Variants in CASTOR2 observed in about 807,000 individuals in gnomAD.
CASTOR2 encodes cytosolic arginine sensor for mTORC1 subunit 2.
A neutral mutation model predicts 31.2 loss-of-function variants in CASTOR2; 8 were observed. The observed-to-expected ratio is 0.26, with a 90% CI of 0.15 to 0.46. The LOEUF (loss-of-function observed/expected upper bound fraction) is 0.46, where lower values mean the gene tolerates loss of function less well. CASTOR2 is among the 20% of genes least tolerant of loss of function. The pLI, the probability that CASTOR2 is intolerant of heterozygous loss-of-function variation, is 0.99. For missense variants in CASTOR2, 216 were observed against 382.1 expected (o/e 0.57, Z 3.62); for synonymous variants, 162 against 158.7 (o/e 1.02, Z -0.16).
rs1043851773 is a variant in CASTOR2, at chr7:75,028,962, G to T, written c.*4263G>T. 6.6e-6 allele frequency among the ~76,000 whole-genome samples: 1 copy of T among 152,040 alleles called. No individual in the cohort carries two copies. Among genetic ancestry groups the T allele is most frequent in the Non-Finnish European group, 1.5e-5 (1 of 67,994 alleles). ...GCTGCTGGTGGGAAAGGAAGGAGCTGGGGGATCAGAGGCTTCCAGTGTGGC... is the reference window on the plus strand; with the variant it reads ...GCTGCTGGTGGGAAAGGAAGGAGCTTGGGGATCAGAGGCTTCCAGTGTGGC... On this transcript the variant is annotated 3_prime_UTR_variant, in exon 9 of 9. Transcript: ENST00000616305.
At chr7:75,009,682 G>C (rs1188870980) in intron 2 of CASTOR2, among the ~76,000 whole-genome samples, 1 of 151,810 alleles carries the variant, frequency 6.6e-6, no homozygotes, top group Non-Finnish European at 1.5e-5. Flanking sequence ...AACCCCATGT[G>C]TGTACAGCCA....
intron 1 of CASTOR2, among the ~76,000 whole-genome samples, chr7:75,007,255 C>T (rs1177714364): frequency 2.6e-5 from 4 of 152,076 alleles, no homozygotes; most frequent in Non-Finnish European, 2.9e-5. Flanking sequence ...AAGCTCAGCC[C>T]AAGGGCCACC....
Position 74,972,718 on chromosome 7 carries a change from C to T in CASTOR2, c.113+7620C>T, listed in dbSNP as rs587648323. Among the ~76,000 whole-genome samples, 158 of 150,500 alleles carry T rather than the reference C, an allele frequency of 1.0e-3. 5 individuals are homozygous for T. The East Asian group carries it at 0.026, about 24-fold the overall frequency. ...TTTTTGAGACAGAGTCTTGCTCTGT[C>T]GCCCAGCCTGGAGTGCAATGGCGCA... On this transcript the variant is annotated intron_variant, in intron 1 of 8. Transcript: ENST00000616305.
chr7:75,006,731 C>T (rs1386768536), intron 1 of CASTOR2, among the ~76,000 whole-genome samples: 2 of 152,074 alleles, frequency 1.3e-5, no homozygotes, highest in African/African-American at 2.4e-5. Context: ...ATAAGTCTCA[C>T]GAGATCTGAT....
rs1805285428 is a variant in CASTOR2, at chr7:75,030,947, CCCCTCA to C, written c.*6252_*6257del. Among the ~76,000 whole-genome samples, 1 of 152,182 alleles carries C rather than the reference CCCCTCA, an allele frequency of 6.6e-6. No homozygotes were observed. Among genetic ancestry groups the C allele is most frequent in the African/African-American group, 2.4e-5 (1 of 41,446 alleles). On this transcript the variant is annotated 3_prime_UTR_variant, in exon 9 of 9. Transcript: ENST00000616305. ...GGTCCAGAAGAATTGGAGACCCCTG[CCCCTCA>C]CCCAAACTTTGGAGGTGGCAGGGTG...
intron 1 of CASTOR2, among the ~76,000 whole-genome samples, chr7:74,995,721 T>C (rs1584467178): frequency 6.7e-6 from 1 of 149,906 alleles, no homozygotes; most frequent in African/African-American, 2.5e-5. Context: ...GGCAGGAGAA[T>C]GGCATGAACC....
intron 5 of CASTOR2, 73 bp from the exon 6 acceptor site, chr7:75,019,966 G>A: frequency 6.9e-7 from 1 of 1,442,004 alleles, no homozygotes; most frequent in Non-Finnish European, 9.4e-7. Flanking sequence ...GCAGGGCCCA[G>A]CTTCCCTGGG....
In CASTOR2 at chr7:75,024,745, A is replaced by G. The variant is rs1162764667; in HGVS notation, c.*46A>G. On this transcript the variant is annotated 3_prime_UTR_variant, in exon 9 of 9. Transcript: ENST00000616305. The stretch of plus-strand genomic sequence containing the variant: ...CCTGCCGCCGCCCGGGCCCAGCCCT[A>G]ACCCTGAAGATTGATCTTGCAGTAT... The G allele has an allele frequency of 6.4e-6, 10 of 1,550,646 alleles. No individual in the cohort carries two copies. Among genetic ancestry groups the G allele is most frequent in the African/African-American group, 1.4e-5 (1 of 73,020 alleles).
chr7:75,023,534 C>T (rs1215047610), intron 7 of CASTOR2, among the ~76,000 whole-genome samples: 4 of 145,028 alleles, frequency 2.8e-5, no homozygotes, highest in Non-Finnish European at 4.5e-5. Context: ...AGTGCAATGG[C>T]GCAGTCTTCG....
intron 1 of CASTOR2, among the ~76,000 whole-genome samples, chr7:74,997,792 T>G (rs1554438054): frequency 6.6e-6 from 1 of 151,970 alleles, no homozygotes; most frequent in African/African-American, 2.4e-5. Context: ...TACCCTGCCA[T>G]ACACAATGTC....
intron 2 of CASTOR2, among the ~76,000 whole-genome samples, chr7:75,014,419 CAAA>C (rs1193842037): frequency 3.5e-5 from 2 of 57,558 alleles, no homozygotes; most frequent in African/African-American, 5.5e-5. Flanking sequence ...ACTAAAAATA[CAAA>C]AAAAAAAAAA....
At chr7:75,021,782 C>T in intron 6 of CASTOR2, 92 bp from the exon 7 acceptor site, 3 of 1,490,198 alleles carry the variant, frequency 2.0e-6, no homozygotes, top group Non-Finnish European at 2.7e-6. Flanking sequence ...CCTGGCCAGC[C>T]CCATGCCTCG....
intron 1 of CASTOR2, among the ~76,000 whole-genome samples, chr7:74,980,684 A>T (rs1441834505): frequency 7.2e-6 from 1 of 139,384 alleles, no homozygotes; most frequent in East Asian, 1.9e-4. Context: ...CTGGAAGAGC[A>T]CATCTGACAA....
chr7:74,983,623 C>G (rs1364496206), intron 1 of CASTOR2, among the ~76,000 whole-genome samples: 1 of 151,674 alleles, frequency 6.6e-6, no homozygotes, highest in Non-Finnish European at 1.5e-5. Context: ...CCCTGACCCC[C>G]TCTGCAAGCT....
intron 2 of CASTOR2, among the ~76,000 whole-genome samples, chr7:75,015,619 G>T (rs1339782022): frequency 1.3e-5 from 2 of 152,000 alleles, no homozygotes; most frequent in East Asian, 3.9e-4. Context: ...TTAGGGACTT[G>T]GTACTTTTCA....
chr7:75,018,220 G>A lies in CASTOR2; in HGVS notation c.511+98G>A, dbSNP rs1294760555. On this transcript the variant is annotated intron_variant, in intron 4 of 8. Coordinates refer to ENST00000616305, the MANE Select transcript of CASTOR2 (RefSeq NM_001145064.3). ...CTCTCAGCACGGGCTTCTGCCCACT[G>A]AGCATGAATGGAGTGCCAGGCAGAA... 1.9e-6 allele frequency: 3 copies of A among 1,545,990 alleles called. No individual in the cohort carries two copies. In the African/African-American group the frequency reaches 4.1e-5, roughly 21 times the overall value.
intron 1 of CASTOR2, among the ~76,000 whole-genome samples, chr7:75,006,926 G>C (rs1274366091): frequency 7.2e-6 from 1 of 139,288 alleles, no homozygotes; most frequent in African/African-American, 2.7e-5. Flanking sequence ...AAATTACCCA[G>C]TCTCGGGTAT....
At chr7:74,990,078 G>C (rs1385552035) in intron 1 of CASTOR2, among the ~76,000 whole-genome samples, 1 of 152,064 alleles carries the variant, frequency 6.6e-6, no homozygotes. Flanking sequence ...CCCAAGCTCA[G>C]ATTTTATCTC....
In CASTOR2 at chr7:75,024,630, A is replaced by G; in HGVS notation, c.925-4A>G. On this transcript the variant is annotated splice_region_variant and splice_polypyrimidine_tract_variant and intron_variant, in intron 8 of 8. Coordinates refer to ENST00000616305, the MANE Select transcript of CASTOR2 (RefSeq NM_001145064.3). ...AGGCATCTGCCTCCTCTACCCCTGC[A>G]CAGGTCCCCGAAGAGAACATCAATG... 1.7e-5 allele frequency: 27 copies of G among 1,551,540 alleles called. No individual in the cohort carries two copies. The highest frequency in any genetic ancestry group is 2.3e-5 in the Non-Finnish European group (26 of 1,146,824).
Sources: allele counts gnomAD v4.1 joint callset (sites outside exome capture counted in the v4.1 genomes callset), GRCh38; gene constraint gnomAD v4.1.1; transcripts MANE v1.5; gene names NCBI Gene and HGNC (gene_info 2026-07-23, HGNC 2026-07-21).